NLRC5: variants seen among roughly 807,000 people sequenced by gnomAD.
The protein encoded by NLRC5 is protein NLRC5.
In NLRC5, 114 loss-of-function variants were observed where a neutral mutation model predicts 206.9. The observed-to-expected ratio is 0.55, with a 90% CI of 0.47 to 0.64. The LOEUF (loss-of-function observed/expected upper bound fraction) is 0.64. NLRC5 is among the 30% of genes least tolerant of loss of function. The pLI is 0.00. For missense variants in NLRC5, 2,008 were observed against 2,305.5 expected (o/e 0.87, Z 2.64); for synonymous variants, 952 against 962.8 (o/e 0.99, Z 0.21).
intron 1 of NLRC5, among the ~76,000 whole-genome samples, chr16:57,010,428 G>C (rs1381299342): frequency 6.6e-6 from 1 of 152,140 alleles, no homozygotes; most frequent in Admixed American, 6.5e-5. Flanking sequence ...AGGCTGGAGT[G>C]GGGTGGCGAG....
At position 57,078,466 on chromosome 16, in the gene NLRC5, G is replaced by GTT. The variant is rs71383218; in HGVS notation, c.5081+469_5081+470dup. On this transcript the variant is annotated intron_variant, in intron 43 of 48. Coordinates refer to ENST00000688547, the MANE Select transcript of NLRC5 (RefSeq NM_001384950.1). ...CAGAGTCCCAGAGTGCTGGGACCTTGTTTTTTTTTTTTTTTTTTTTTTTTA... is the reference window on the plus strand; with the variant it reads ...CAGAGTCCCAGAGTGCTGGGACCTTGTTTTTTTTTTTTTTTTTTTTTTTTTTA... Among the ~76,000 whole-genome samples, 797 of 92,192 alleles carry GTT rather than the reference G, an allele frequency of 8.6e-3. 61 individuals are homozygous for GTT. Among genetic ancestry groups the GTT allele is most frequent in the African/African-American group, 0.032 (650 of 20,062 alleles). The allele number at this position is 92,192 out of a possible 152,430, so 60.5% of individuals were successfully genotyped here. A position where few individuals can be genotyped will look rare whatever the true frequency, so the allele number is the denominator to read the frequency against.
chr16:57,054,717 T>C (rs372481924), intron 24 of NLRC5, 34 bp from the exon 25 acceptor site: 37 of 1,214,036 alleles, frequency 3.0e-5, no homozygotes, highest in Middle Eastern at 2.2e-4. Context: ...CCTTGTCCAC[T>C]CATCTTGCCG....
intron 39 of NLRC5, 60 bp from the exon 40 acceptor site, chr16:57,076,759 A>AGCACCC: frequency 1.3e-6 from 2 of 1,484,912 alleles, no homozygotes; most frequent in Non-Finnish European, 1.9e-6. Flanking sequence ...TTCTTAGCAC[A>AGCACCC]GCACCTGCAA....
In NLRC5 at chr16:57,058,993, T is replaced by C. The variant is rs145714085; in HGVS notation, c.3852T>C (p.Ser1284=). Residue 1284 remains serine (S), a synonymous_variant, in exon 29 of 49, where the codon TCT becomes TCC. Coordinates refer to ENST00000688547, the MANE Select transcript of NLRC5 (RefSeq NM_001384950.1). The part of the protein sequence containing the change: ...GLLDLSHNSI[S]QESALYLLET... ...CTAGTCTGAGTCACAACAGCATTTC[T>C]CAGGAAAGTGCCCTGTACCTGCTGG... 1,296 of 1,614,186 alleles carry C rather than the reference T, an allele frequency of 8.0e-4. 23 individuals are homozygous for C. In the African/African-American group the frequency reaches 0.015, roughly 19 times the overall value.
At chr16:57,040,049 G>A (rs902091496) in intron 16 of NLRC5, among the ~76,000 whole-genome samples, 200 bp downstream of exon 16, 2 of 152,222 alleles carry the variant, frequency 1.3e-5, no homozygotes, top group African/African-American at 4.8e-5. Context: ...GCCTCTCATG[G>A]TGCCTGAAAG....
intron 15 of NLRC5, among the ~76,000 whole-genome samples, chr16:57,038,300 C>G (rs1352843281): frequency 6.6e-6 from 1 of 152,036 alleles, no homozygotes; most frequent in Non-Finnish European, 1.5e-5. Flanking sequence ...GCTCTGTTAC[C>G]AAGGCTGGAG....
intron 26 of NLRC5, 37 bp from the exon 27 acceptor site, chr16:57,055,396 G>A (rs753743978): frequency 7.5e-6 from 12 of 1,598,766 alleles, no homozygotes; most frequent in Admixed American, 1.7e-5. Flanking sequence ...GTGGCCAAAC[G>A]CCCCATCCCC....
At chr16:57,037,316 C>T (rs201201878) in intron 15 of NLRC5, 32 bp downstream of exon 15, 2 of 1,252,524 alleles carry the variant, frequency 1.6e-6, no homozygotes, top group Non-Finnish European at 2.2e-6. Flanking sequence ...GGTACCCATC[C>T]CCCCCCCCAT....
chr16:57,025,672 G>A lies in NLRC5; in HGVS notation c.729G>A (p.Gln243=). The part of the protein sequence containing the change: ...GKTTLAHRLC[Q]KWAEGHLNCF... Reference sequence around the variant, plus strand: ...CCACGCTGGCCCACCGGCTCTGCCAGAAGTGGGCAGAGGGCCATCTGAACT... The same window carrying A: ...CCACGCTGGCCCACCGGCTCTGCCAAAAGTGGGCAGAGGGCCATCTGAACT... The change falls in exon 6 of 49, where the codon CAG becomes CAA. Residue 243 remains glutamine (Q), a synonymous_variant. Coordinates refer to ENST00000688547, the MANE Select transcript of NLRC5 (RefSeq NM_001384950.1). The A allele has an allele frequency of 1.9e-6, 3 of 1,614,252 alleles. No homozygotes were observed. Among genetic ancestry groups the A allele is most frequent in the Non-Finnish European group, 2.5e-6 (3 of 1,180,046 alleles).
At chr16:57,030,991 T>C (rs187522671) in intron 10 of NLRC5, among the ~76,000 whole-genome samples, 81 of 151,992 alleles carry the variant, frequency 5.3e-4, no homozygotes, top group Non-Finnish European at 8.8e-4. Flanking sequence ...TTCCAGCTAT[T>C]TGGGAGGCTG....
chr16:57,079,688 G>T, intron 46 of NLRC5, 59 bp downstream of exon 46: 1 of 1,463,406 alleles, frequency 6.8e-7, no homozygotes, highest in Non-Finnish European at 9.6e-7. Flanking sequence ...GAGGGGTCGG[G>T]GGAGTTGGCT....
At chr16:57,039,549 T>C (rs2063017709) in intron 15 of NLRC5, among the ~76,000 whole-genome samples, 1 of 95,382 alleles carries the variant, frequency 1.0e-5, no homozygotes, top group Non-Finnish European at 2.2e-5. Flanking sequence ...AGACTGTCTC[T>C]ACATACTTTT....
rs887213555 is a variant in NLRC5, at chr16:57,037,208, G to A, written c.2725G>A (p.Gly909Arg). Residue 909 changes from glycine (G) to arginine (R), a missense_variant, in exon 15 of 49, where the codon GGG (glycine) becomes AGG (arginine). By Grantham distance (125) the Gly-to-Arg change is moderately radical. Coordinates refer to ENST00000688547, the MANE Select transcript of NLRC5 (RefSeq NM_001384950.1). ...TGCTCTCCACAGCCTCAGTAACAACGGGCTTTCTGTGGCCGGGGTGCATTG... is the reference window on the plus strand; with the variant it reads ...TGCTCTCCACAGCCTCAGTAACAACAGGCTTTCTGTGGCCGGGGTGCATTG... ...IARKLDLSNNGLSVAGVHCVL... is the reference protein window; with the variant it reads ...IARKLDLSNNRLSVAGVHCVL... 15 of 1,613,728 alleles carry A rather than the reference G, an allele frequency of 9.3e-6. No homozygotes were observed. The highest frequency in any genetic ancestry group is 1.2e-5 in the Non-Finnish European group (14 of 1,179,902).
chr16:57,051,991 T>C (rs1313310373), intron 24 of NLRC5, among the ~76,000 whole-genome samples: 1 of 152,196 alleles, frequency 6.6e-6, no homozygotes, highest in African/African-American at 2.4e-5. Context: ...ACAAATGAGC[T>C]GTCCAACTTC....
chr16:57,019,034 T>G (rs1345023932), intron 2 of NLRC5, among the ~76,000 whole-genome samples: 1 of 152,226 alleles, frequency 6.6e-6, no homozygotes, highest in Admixed American at 6.5e-5. Context: ...GAACTGCACA[T>G]TATTTAGGCT....
chr16:57,062,634 T>A (rs555055075), intron 32 of NLRC5: 1 of 154,222 alleles, frequency 6.5e-6, no homozygotes, highest in South Asian at 2.0e-4. Context: ...CTCCATGACA[T>A]TCAGTTTCAT....
chr16:57,034,219 G>A lies in NLRC5; in HGVS notation c.2595G>A (p.Leu865=). 6.2e-7 allele frequency: 1 copy of A among 1,614,074 alleles called. No individual in the cohort carries two copies. Among genetic ancestry groups the A allele is most frequent in the Non-Finnish European group, 8.5e-7 (1 of 1,179,974 alleles). ...QVHDAEALIA[L]LQEGPHLEEV... ...ACGATGCGGAGGCCCTCATAGCCCT[G>A]CTCCAGGAAGGCCCTCACCTGGAGG... Residue 865 remains leucine (L), a synonymous_variant, in exon 13 of 49, where the codon CTG becomes CTA. Coordinates refer to ENST00000688547, the MANE Select transcript of NLRC5 (RefSeq NM_001384950.1).
Position 57,081,134 on chromosome 16 carries a change from C to G in NLRC5, c.5358C>G (p.Ala1786=). Residue 1786 remains alanine, a synonymous_variant, in exon 47 of 49, where the codon GCC becomes GCG. Coordinates refer to ENST00000688547, the MANE Select transcript of NLRC5 (RefSeq NM_001384950.1). ...ATCTCCTCGGGGATGAGGCAGCTGC[C>G]GAGCTGGCCCAGGTGCTGCCGCAGA... is the stretch of plus-strand genomic sequence containing the variant. The part of the protein sequence containing the change: ...SWNLLGDEAA[A]ELAQVLPQMG... The G allele has an allele frequency of 6.5e-7, 1 of 1,545,936 alleles. No homozygotes were observed. The highest frequency in any genetic ancestry group is 8.7e-7 in the Non-Finnish European group (1 of 1,147,800).
intron 1 of NLRC5, chr16:57,014,159 G>A: frequency 5.4e-6 from 1 of 185,144 alleles, no homozygotes; most frequent in South Asian, 1.0e-4. Flanking sequence ...AAGGCAAAGG[G>A]GAAGTAAAGA....
Sources: allele counts gnomAD v4.1 joint callset (sites outside exome capture counted in the v4.1 genomes callset), GRCh38; gene constraint gnomAD v4.1.1; transcripts MANE v1.5; gene names NCBI Gene and HGNC (gene_info 2026-07-23, HGNC 2026-07-21).